The following PBX1 variants were observed in gnomAD, a reference collection of about 807,000 sequenced individuals.
The protein encoded by PBX1 is pre-B-cell leukemia transcription factor 1.
A neutral mutation model predicts 53.4 loss-of-function variants in PBX1; 6 were observed. The ratio of observed to expected loss-of-function variants is 0.11; its 90% CI spans 0.06 to 0.22. PBX1 has a LOEUF of 0.22. PBX1 is among the 10% of genes least tolerant of loss of function. The pLI, the probability that PBX1 is intolerant of heterozygous loss-of-function variation, is 1.00. For synonymous variants in PBX1, 204 were observed against 212.3 expected, an observed-to-expected ratio of 0.96 and a Z score of 0.34; for missense variants, 251 against 551.4, an observed-to-expected ratio of 0.46 and a Z score of 5.46.
chr1:164,878,318 T>C (rs550909537), intron 2 of PBX1, among the ~76,000 whole-genome samples: 1 of 152,336 alleles, frequency 6.6e-6, no homozygotes, highest in South Asian at 2.1e-4. Flanking sequence ...CATTTGATTT[T>C]GCAATTAAAA....
At chr1:164,853,600 G>T (rs570359214), downstream of PBX1, among the ~76,000 whole-genome samples, 3,038 of 152,276 alleles carry the variant, frequency 0.02, 112 homozygotes, top group African/African-American at 0.067. Flanking sequence ...GTAAGAATGT[G>T]AGAGAAACGA....
At chr1:164,864,993 G>C (rs1032353122) in intron 2 of PBX1, among the ~76,000 whole-genome samples, 1 of 152,186 alleles carries the variant, frequency 6.6e-6, no homozygotes, top group East Asian at 1.9e-4. Context: ...TGCACTGGGG[G>C]GATTGCCATC....
At chr1:164,736,632 T>C (rs1665306037) in intron 2 of PBX1, among the ~76,000 whole-genome samples, 1 of 151,938 alleles carries the variant, frequency 6.6e-6, no homozygotes, top group Admixed American at 6.6e-5. Flanking sequence ...AAGGCAGAAG[T>C]CAGGAAATGC....
intron 2 of PBX1, among the ~76,000 whole-genome samples, chr1:164,569,964 A>G (rs1280084637): frequency 6.6e-6 from 1 of 152,212 alleles, no homozygotes; most frequent in African/African-American, 2.4e-5. Flanking sequence ...GAACAGAGGA[A>G]AAGTTTTTAA....
intron 2 of PBX1, among the ~76,000 whole-genome samples, chr1:164,663,268 G>GCCTGCCTGCCTTCCTA (rs1660613721): frequency 6.9e-6 from 1 of 144,754 alleles, no homozygotes; most frequent in Non-Finnish European, 1.5e-5. Flanking sequence ...CTGCCTGCCT[G>GCCTGCCTGCCTTCCTA]CCTGCCTGCC....
intron 2 of PBX1, among the ~76,000 whole-genome samples, chr1:164,583,624 C>G (rs1246060133): frequency 1.3e-5 from 2 of 152,126 alleles, no homozygotes; most frequent in Non-Finnish European, 2.9e-5. Flanking sequence ...CTGAGACATA[C>G]GTGTAAAATG....
chr1:164,850,016 T>A lies in PBX1; in HGVS notation c.*3340T>A. ...AGTATTGATGATGAACATTTGATAA[T>A]GAATGTTCTTGTATATTCAGATAAA... On this transcript the variant is annotated 3_prime_UTR_variant, in exon 9 of 9. Coordinates refer to ENST00000420696, the MANE Select transcript of PBX1 (RefSeq NM_002585.4). 4.4e-6 allele frequency: 1 copy of A among 227,328 alleles called. No homozygotes were observed. Among genetic ancestry groups the A allele is most frequent in the Non-Finnish European group, 8.7e-6 (1 of 114,432 alleles). 14.1% of individuals were successfully genotyped at this position (227,328 alleles called of 1,614,324 possible).
chr1:164,847,683 A>G lies in PBX1; in HGVS notation c.*1007A>G. 4 of 1,057,550 alleles carry G rather than the reference A, an allele frequency of 3.8e-6. No homozygotes were observed. Among genetic ancestry groups the G allele is most frequent in the Non-Finnish European group, 4.6e-6 (4 of 874,406 alleles). The allele number at this position is 1,057,550 out of a possible 1,614,324, so 65.5% of individuals were successfully genotyped here. A position where few individuals can be genotyped will look rare whatever the true frequency, so the allele number is the denominator to read the frequency against. The stretch of plus-strand genomic sequence containing the variant: ...CACATCTTCACTTTCCCGAGATGCC[A>G]TATACAATTACCTACATTAATAACT... On this transcript the variant is annotated 3_prime_UTR_variant, in exon 9 of 9. Coordinates refer to ENST00000420696, the MANE Select transcript of PBX1 (RefSeq NM_002585.4).
At chr1:164,708,390 A>AT (rs1406362415) in intron 2 of PBX1, among the ~76,000 whole-genome samples, 3 of 150,922 alleles carry the variant, frequency 2.0e-5, no homozygotes, top group Non-Finnish European at 4.4e-5. Context: ...TTTTAAAAAA[A>AT]ATATTTTCTT....
At chr1:164,687,182 A>G (rs2102012155) in intron 2 of PBX1, among the ~76,000 whole-genome samples, 1 of 152,282 alleles carries the variant, frequency 6.6e-6, no homozygotes, top group African/African-American at 2.4e-5. Flanking sequence ...GATCCTTGGA[A>G]CATAAGGAAG....
At chr1:164,692,287 A>T (rs1383783688) in intron 2 of PBX1, among the ~76,000 whole-genome samples, 4 of 152,196 alleles carry the variant, frequency 2.6e-5, no homozygotes, top group Non-Finnish European at 5.9e-5. Flanking sequence ...GGATGGTGTG[A>T]ACTCAGAAGT....
chr1:164,652,842 C>G (rs899322412), intron 2 of PBX1, among the ~76,000 whole-genome samples: 1 of 151,742 alleles, frequency 6.6e-6, no homozygotes, highest in Non-Finnish European at 1.5e-5. Context: ...CCCGCACCCC[C>G]ACCGCCATAG....
intron 2 of PBX1, among the ~76,000 whole-genome samples, chr1:164,628,389 T>C (rs1307018615): frequency 6.6e-6 from 1 of 152,206 alleles, no homozygotes; most frequent in Non-Finnish European, 1.5e-5. Context: ...AACAGTCACC[T>C]TGACAATCCT....
At chr1:164,726,162 C>T (rs1664690745) in intron 2 of PBX1, among the ~76,000 whole-genome samples, 1 of 152,130 alleles carries the variant, frequency 6.6e-6, no homozygotes, top group South Asian at 2.1e-4. Flanking sequence ...AGTTTGTGCC[C>T]AGTGTTTACC....
chr1:164,783,385 G>T (rs1224500833), intron 2 of PBX1, among the ~76,000 whole-genome samples: 2 of 151,460 alleles, frequency 1.3e-5, no homozygotes, highest in African/African-American at 4.9e-5. Flanking sequence ...GTGGGGGTGG[G>T]GGGTGTCTGT....
rs1671855844 is a variant in PBX1, at chr1:164,851,831, T to C, written c.*5155T>C. Reference sequence around the variant, plus strand: ...TAGTTTCTTTTGTTGCAAAAAAAAATACTTGTATTTTGTGCACATTTCTTT... The same window carrying C: ...TAGTTTCTTTTGTTGCAAAAAAAAACACTTGTATTTTGTGCACATTTCTTT... On this transcript the variant is annotated 3_prime_UTR_variant, in exon 9 of 9. Transcript: ENST00000420696. 1 of 171,190 alleles carries C rather than the reference T, an allele frequency of 5.8e-6. No individual in the cohort carries two copies. The highest frequency in any genetic ancestry group is 2.0e-4 in the South Asian group (1 of 4,960). 10.6% of individuals were successfully genotyped at this position (171,190 alleles called of 1,614,324 possible). A position where few individuals can be genotyped will look rare whatever the true frequency, so the allele number is the denominator to read the frequency against.
chr1:164,747,883 A>G (rs969157763), intron 2 of PBX1, among the ~76,000 whole-genome samples: 1 of 152,094 alleles, frequency 6.6e-6, no homozygotes, highest in Non-Finnish European at 1.5e-5. Flanking sequence ...GAGAGCTAGA[A>G]GATAAAGGTT....
intron 2 of PBX1, among the ~76,000 whole-genome samples, chr1:164,728,861 C>T (rs1443554137): frequency 6.6e-6 from 1 of 152,202 alleles, no homozygotes; most frequent in Non-Finnish European, 1.5e-5. Flanking sequence ...TATTTTTCTT[C>T]ATAGAGCTGT....
intron 2 of PBX1, among the ~76,000 whole-genome samples, chr1:164,633,361 G>A (rs754656158): frequency 6.6e-6 from 1 of 152,086 alleles, no homozygotes; most frequent in Non-Finnish European, 1.5e-5. Flanking sequence ...TGTTGGCCAG[G>A]CTGGTCTCGA....
Sources: gnomAD v4.1 joint callset for allele counts (sites outside exome capture counted in the v4.1 genomes callset) on GRCh38, gnomAD v4.1.1 for gene constraint, MANE v1.5 for transcripts, NCBI Gene and HGNC (gene_info 2026-07-23, HGNC 2026-07-21) for gene names.